CHST7: variants seen among roughly 807,000 people sequenced by gnomAD.
CHST7 encodes carbohydrate sulfotransferase 7.
CHST7 carries 5 observed loss-of-function variants against 9.0 expected under a neutral mutation model. The ratio of observed to expected loss-of-function variants is 0.56; its 90% CI spans 0.29 to 1.17. CHST7 has a LOEUF of 1.17. Ranked by LOEUF, CHST7 falls within the 50% of genes most tolerant of loss-of-function variation. CHST7 has a pLI of 0.08. For missense variants in CHST7, 377 were observed against 485.1 expected (o/e 0.78, Z 2.09); for synonymous variants, 244 against 237.1 (o/e 1.03, Z -0.27).
At chrX:46,588,141 G>A (rs1240509662) in intron 1 of CHST7, among the ~76,000 whole-genome samples, 1 of 111,838 alleles carries the variant, frequency 8.9e-6, no homozygotes, top group Non-Finnish European at 1.9e-5. Context: ...TGTGGGCAGG[G>A]ACAGGATAAC....
At chrX:46,586,302 A>G (rs1942549463) in intron 1 of CHST7, among the ~76,000 whole-genome samples, 1 of 112,401 alleles carries the variant, frequency 8.9e-6, no homozygotes, top group African/African-American at 3.2e-5. Context: ...GTGATTGGCT[A>G]GAGTTTGGCT....
chrX:46,584,535 C>CA lies in CHST7; in HGVS notation c.*31+9131dup, dbSNP rs397777408. Among the ~76,000 whole-genome samples the CA allele has an allele frequency of 2.8e-3, 146 of 52,711 alleles. 4 individuals are homozygous for CA. In the South Asian group the frequency reaches 0.055, roughly 20 times the overall value. 45.8% of individuals were successfully genotyped at this position (52,711 alleles called of 115,157 possible). On this transcript the variant is annotated intron_variant, in intron 1 of 1. Coordinates refer to ENST00000276055, the MANE Select transcript of CHST7 (RefSeq NM_019886.4). ...CTGGGCAACAACAGTGAAACTGTCT[C>CA]AAAAAAAAAAAAAAAAAAAGGTGCC...
At chrX:46,585,916 T>G (rs1443845733) in intron 1 of CHST7, among the ~76,000 whole-genome samples, 1 of 110,201 alleles carries the variant, frequency 9.1e-6, no homozygotes, top group Non-Finnish European at 1.9e-5. Context: ...TGGCTAATTT[T>G]TTTGTATTTT....
chrX:46,586,332 C>G (rs1366423286), intron 1 of CHST7, among the ~76,000 whole-genome samples: 3 of 112,433 alleles, frequency 2.7e-5, no homozygotes, highest in Non-Finnish European at 5.6e-5. Context: ...ATTCTGTACA[C>G]TGACTAGCCA....
chrX:46,594,975 A>G (rs917093874), intron 1 of CHST7, among the ~76,000 whole-genome samples: 3 of 110,712 alleles, frequency 2.7e-5, no homozygotes, highest in African/African-American at 9.9e-5. Context: ...GATAATTTCT[A>G]TTGTTCTATT....
intron 1 of CHST7, among the ~76,000 whole-genome samples, chrX:46,581,511 G>A (rs186992645): frequency 3.2e-3 from 347 of 108,076 alleles, no homozygotes; most frequent in Non-Finnish European, 4.0e-3. Context: ...AGCTGAGATC[G>A]CGCCACTGCA....
At chrX:46,594,090 C>T (rs895105666) in intron 1 of CHST7, among the ~76,000 whole-genome samples, 6 of 112,608 alleles carry the variant, frequency 5.3e-5, no homozygotes, top group Non-Finnish European at 9.4e-5. Context: ...TTCAAGCCTC[C>T]TTTTGTCATT....
Position 46,597,828 on chromosome X carries a change from A to G in CHST7, c.*100A>G, listed in dbSNP as rs961114801. The G allele has an allele frequency of 4.4e-5, 5 of 112,903 alleles. No homozygotes were observed. The highest frequency in any genetic ancestry group is 1.6e-4 in the African/African-American group (5 of 31,032). 9.3% of individuals were successfully genotyped at this position (112,903 alleles called of 1,213,427 possible). On this transcript the variant is annotated 3_prime_UTR_variant, in exon 2 of 2. Coordinates refer to ENST00000276055, the MANE Select transcript of CHST7 (RefSeq NM_019886.4). Reference sequence around the variant, plus strand: ...CTGGAGAAGCAGCGCTGTGGGGGCAATCTGTCACACTCTCAGAGTCTGGGA... The same window carrying G: ...CTGGAGAAGCAGCGCTGTGGGGGCAGTCTGTCACACTCTCAGAGTCTGGGA...
chrX:46,597,753 C>T lies in CHST7; in HGVS notation c.*32-7C>T, dbSNP rs763809558. On this transcript the variant is annotated splice_region_variant and splice_polypyrimidine_tract_variant and intron_variant, in intron 1 of 1. Transcript: ENST00000276055. ...AGTTCAGACGTCCTTTGTTCCTTCC[C>T]TTCTAGGTCAGTCACCACGAACAGG... The T allele has an allele frequency of 8.8e-6, 1 of 113,023 alleles. No homozygotes were observed. Among genetic ancestry groups the T allele is most frequent in the South Asian group, 3.6e-4 (1 of 2,797 alleles). The allele number at this position is 113,023 out of a possible 1,213,427, so 9.3% of individuals were successfully genotyped here.
chrX:46,575,943 A>G (rs1387684991), intron 1 of CHST7, among the ~76,000 whole-genome samples: 1 of 111,435 alleles, frequency 9.0e-6, no homozygotes, highest in Admixed American at 9.5e-5. Context: ...AACCCTACCT[A>G]TCCCTAATCT....
chrX:46,593,601 A>G lies in CHST7; in HGVS notation c.*32-4159A>G, dbSNP rs756869548. On this transcript the variant is annotated intron_variant, in intron 1 of 1. Coordinates refer to ENST00000276055, the MANE Select transcript of CHST7 (RefSeq NM_019886.4). ...TAATGTTTTTAAATCCATTTTGCCA[A>G]TCTCTTTTAGTTTATGTATTTAAAC... Among the ~76,000 whole-genome samples the G allele has an allele frequency of 3.6e-5, 4 of 111,929 alleles. No individual in the cohort carries two copies. In the East Asian group the frequency reaches 1.1e-3, roughly 31 times the overall value.
intron 1 of CHST7, among the ~76,000 whole-genome samples, chrX:46,595,027 T>C (rs188122920): frequency 2.0e-3 from 224 of 112,541 alleles, no homozygotes; most frequent in African/African-American, 6.4e-3. Flanking sequence ...TCTATTCTGC[T>C]ATTGAGCCCA....
intron 1 of CHST7, among the ~76,000 whole-genome samples, chrX:46,583,262 T>C (rs1942533850): frequency 8.9e-6 from 1 of 112,197 alleles, no homozygotes; most frequent in Non-Finnish European, 1.9e-5. Context: ...ACTTGCTCTA[T>C]TGAAAAGGAC....
At position 46,575,194 on chromosome X, in the gene CHST7, C is replaced by T. The variant is rs1019139690; in HGVS notation, c.1263C>T (p.His421=). Residue 421 remains histidine (H), a synonymous_variant, in exon 1 of 2, where the codon CAC becomes CAT. Coordinates refer to ENST00000276055, the MANE Select transcript of CHST7 (RefSeq NM_019886.4). Reference sequence around the variant, plus strand: ...CCTACGGCGCCGACCGGCCCTTCCACCTGTCAGCGCGCGACGCCCGGGAGG... The same window carrying T: ...CCTACGGCGCCGACCGGCCCTTCCATCTGTCAGCGCGCGACGCCCGGGAGG... ...GAAYGADRPF[H]LSARDAREAV... 126 of 1,102,389 alleles carry T rather than the reference C, an allele frequency of 1.1e-4. No individual in the cohort carries two copies. The African/African-American group carries it at 2.1e-3, about 18-fold the overall frequency. 90.8% of individuals were successfully genotyped at this position (1,102,389 alleles called of 1,213,427 possible). A position where few individuals can be genotyped will look rare whatever the true frequency, so the allele number is the denominator to read the frequency against.
chrX:46,596,361 A>G (rs189025867), intron 1 of CHST7, among the ~76,000 whole-genome samples: 115 of 110,429 alleles, frequency 1.0e-3, no homozygotes, highest in African/African-American at 3.7e-3. Context: ...CTTACCATAA[A>G]TCCTGCCCTT....
intron 1 of CHST7, among the ~76,000 whole-genome samples, chrX:46,588,821 C>A (rs1199585379): frequency 1.8e-5 from 2 of 110,186 alleles, no homozygotes; most frequent in African/African-American, 6.6e-5. Context: ...TTACAAAAAA[C>A]CTTTTATGCG....
rs755870456 is a variant in CHST7, at chrX:46,574,365, A to C, written c.434A>C (p.Asp145Ala). The change falls in exon 1 of 2, where the codon GAC becomes GCC. Residue 145 changes from aspartate (D) to alanine (A), a missense_variant. This residue lies in a region of CHST7 where 239 missense variants were observed against 325.7 expected (regional missense o/e 0.73). Transcript: ENST00000276055. ...CTATGGCAGGCGCTGTATCCGGGCG[A>C]CGCCGAGAGCTTGCAGGGCGCGCTG... ...WHLWQALYPG[D>A]AESLQGALRD... 8 of 1,204,949 alleles carry C rather than the reference A, an allele frequency of 6.6e-6. No individual in the cohort carries two copies. Among genetic ancestry groups the C allele is most frequent in the Non-Finnish European group, 8.9e-6 (8 of 894,041 alleles).
In CHST7 at chrX:46,598,280, G is replaced by GAAGT. The variant is rs1942607525; in HGVS notation, c.*555_*558dup. ...TCTACCCAGAACTGATTTTTAAAAAGAAGTAATTTTTCTCCCTGGGCTGGG... is the reference window on the plus strand; with the variant it reads ...TCTACCCAGAACTGATTTTTAAAAAGAAGTAAGTAATTTTTCTCCCTGGGCTGGG... On this transcript the variant is annotated 3_prime_UTR_variant, in exon 2 of 2. Transcript: ENST00000276055. 8.9e-6 allele frequency: 1 copy of GAAGT among 112,361 alleles called. No homozygotes were observed. The highest frequency in any genetic ancestry group is 1.9e-5 in the Non-Finnish European group (1 of 53,269). The allele number at this position is 112,361 out of a possible 1,213,427, so 9.3% of individuals were successfully genotyped here.
intron 1 of CHST7, among the ~76,000 whole-genome samples, chrX:46,586,991 T>C (rs1942552789): frequency 9.0e-6 from 1 of 111,187 alleles, no homozygotes; most frequent in South Asian, 3.8e-4. Context: ...CGCCTCGGCC[T>C]CCCAAAATGC....
Sources: gnomAD v4.1 joint callset for allele counts (sites outside exome capture counted in the v4.1 genomes callset) on GRCh38, gnomAD v4.1.1 for gene constraint, gnomAD v4.1.1 regional missense constraint, MANE v1.5 for transcripts, NCBI Gene and HGNC (gene_info 2026-07-23, HGNC 2026-07-21) for gene names.